The following SH3GL2 variants were observed in gnomAD, a reference collection of about 807,000 sequenced individuals.
The protein encoded by SH3GL2 is SH3 domain containing GRB2 like 2, endophilin A1.
SH3GL2 carries 24 observed loss-of-function variants against 46.0 expected under a neutral mutation model. The ratio of observed to expected loss-of-function variants is 0.52; its 90% CI spans 0.38 to 0.73. SH3GL2 has a LOEUF of 0.73. SH3GL2 is among the 30% of genes least tolerant of loss of function. The pLI, the probability that SH3GL2 is intolerant of heterozygous loss-of-function variation, is 0.00. For missense variants in SH3GL2, 413 were observed against 424.2 expected, an observed-to-expected ratio of 0.97 and a Z score of 0.23; for synonymous variants, 196 against 147.1, an observed-to-expected ratio of 1.33 and a Z score of -2.40.
At chr9:17,657,181 T>A (rs1424380589) in intron 1 of SH3GL2, among the ~76,000 whole-genome samples, 1 of 152,196 alleles carries the variant, frequency 6.6e-6, no homozygotes, top group East Asian at 1.9e-4. Flanking sequence ...TGCTAGTTAG[T>A]TGCCAGGCAC....
At chr9:17,748,054 G>C (rs1260239825) in intron 2 of SH3GL2, among the ~76,000 whole-genome samples, 2 of 152,124 alleles carry the variant, frequency 1.3e-5, no homozygotes. Context: ...AAATAATGTA[G>C]ATTATTTAGC....
intron 3 of SH3GL2, among the ~76,000 whole-genome samples, chr9:17,765,556 G>A (rs551852325): frequency 2.6e-5 from 4 of 152,238 alleles, no homozygotes; most frequent in East Asian, 3.9e-4. Context: ...CCCTTCCATG[G>A]CTTTTCATGC....
Position 17,795,743 on chromosome 9 carries a change from G to A in SH3GL2, c.1059G>A (p.Ter353=), listed in dbSNP as rs1213600089. The A allele has an allele frequency of 2.5e-6, 4 of 1,612,534 alleles. No individual in the cohort carries two copies. The highest frequency in any genetic ancestry group is 3.4e-6 in the Non-Finnish European group (4 of 1,179,022). Reference sequence around the variant, plus strand: ...AAATTCTGGTTGCCCTGCCCCATTAGGATGTTATGCTGGCTGGCTCGCCTC... The same window carrying A: ...AAATTCTGGTTGCCCTGCCCCATTAAGATGTTATGCTGGCTGGCTCGCCTC... ...YVEILVALPH[*] The change falls in exon 9 of 9, where the codon TAG becomes TAA. Residue 353 remains the stop codon, a stop_retained_variant. Coordinates refer to ENST00000380607, the MANE Select transcript of SH3GL2 (RefSeq NM_003026.5).
At chr9:17,768,533 C>T (rs1257161838) in intron 3 of SH3GL2, among the ~76,000 whole-genome samples, 1 of 152,056 alleles carries the variant, frequency 6.6e-6, no homozygotes, top group Non-Finnish European at 1.5e-5. Flanking sequence ...CTCAGCATGG[C>T]CTTTAAGATC....
intron 8 of SH3GL2, 122 bp from the exon 9 acceptor site, chr9:17,795,422 A>G: frequency 1.5e-6 from 1 of 688,894 alleles, no homozygotes; most frequent in Non-Finnish European, 2.5e-6. Context: ...CAACAGGAAG[A>G]GGAATGAGGG....
chr9:17,785,046 C>A (rs1323044599), intron 3 of SH3GL2, among the ~76,000 whole-genome samples: 1 of 152,186 alleles, frequency 6.6e-6, no homozygotes. Flanking sequence ...AACATATGAT[C>A]CCTTTTATAT....
intron 1 of SH3GL2, among the ~76,000 whole-genome samples, chr9:17,623,267 AG>A (rs1264399667): frequency 2.0e-5 from 3 of 152,000 alleles, no homozygotes; most frequent in African/African-American, 4.8e-5. Context: ...GAATGTTGCC[AG>A]GTGTAGAAGA....
chr9:17,677,366 G>T (rs545031636), intron 1 of SH3GL2, among the ~76,000 whole-genome samples: 1 of 152,184 alleles, frequency 6.6e-6, no homozygotes, highest in South Asian at 2.1e-4. Flanking sequence ...ACATTGTGAA[G>T]GGATGGCTCA....
intron 1 of SH3GL2, among the ~76,000 whole-genome samples, chr9:17,725,450 C>T (rs1481045151): frequency 6.6e-6 from 1 of 152,146 alleles, no homozygotes; most frequent in Non-Finnish European, 1.5e-5. Context: ...CCAAAATCTC[C>T]ATTGTTTTTG....
chr9:17,635,468 A>T (rs1326147077), intron 1 of SH3GL2, among the ~76,000 whole-genome samples: 1 of 152,186 alleles, frequency 6.6e-6, no homozygotes, highest in Non-Finnish European at 1.5e-5. Flanking sequence ...AGGAAGTGAA[A>T]AAGAAAGGTG....
chr9:17,670,322 C>T lies in SH3GL2; in HGVS notation c.46-76744C>T, dbSNP rs181907194. 1.6e-4 allele frequency among the ~76,000 whole-genome samples: 25 copies of T among 152,266 alleles called. 1 individual carries two copies. The East Asian group carries it at 4.6e-3, about 28-fold the overall frequency. ...CTCTTTGTTAGAAAATAAGTAATTT[C>T]TTGGGCTGCTTTTTGTTAGAAGGGA... is the stretch of plus-strand genomic sequence containing the variant. On this transcript the variant is annotated intron_variant, in intron 1 of 8. Coordinates refer to ENST00000380607, the MANE Select transcript of SH3GL2 (RefSeq NM_003026.5).
At chr9:17,789,269 CGTT>C in intron 5 of SH3GL2, 120 bp from the exon 6 acceptor site, 2 of 703,692 alleles carry the variant, frequency 2.8e-6, no homozygotes, top group Non-Finnish European at 4.9e-6. Context: ...TCTCTGGTGG[CGTT>C]GTATTTTAAA....
At chr9:17,626,311 G>A (rs1268806202) in intron 1 of SH3GL2, among the ~76,000 whole-genome samples, 1 of 152,214 alleles carries the variant, frequency 6.6e-6, no homozygotes, top group African/African-American at 2.4e-5. Context: ...GCAGGAGCAT[G>A]TTGCGGGGGA....
At chr9:17,680,870 C>G (rs1442008301) in intron 1 of SH3GL2, among the ~76,000 whole-genome samples, 1 of 151,990 alleles carries the variant, frequency 6.6e-6, no homozygotes, top group Non-Finnish European at 1.5e-5. Flanking sequence ...TTTATTTCTG[C>G]CTTCATTTCG....
rs12378332 is a variant in SH3GL2 at position 17,796,379 on chromosome 9, G to C, written c.*636G>C. 0.16 allele frequency: 24,903 copies of C among 152,524 alleles called. 2,539 individuals are homozygous for C. The highest frequency in any genetic ancestry group is 0.28 in the Middle Eastern group (81 of 294). The allele number at this position is 152,524 out of a possible 1,614,324, so 9.4% of individuals were successfully genotyped here. On this transcript the variant is annotated 3_prime_UTR_variant, in exon 9 of 9. Transcript: ENST00000380607. ...TCTTCCCTCCTTGCTATTAAAGCCAGAGCGGTAATTCCAAATTATTTTTCA... is the reference window on the plus strand; with the variant it reads ...TCTTCCCTCCTTGCTATTAAAGCCACAGCGGTAATTCCAAATTATTTTTCA...
At chr9:17,723,401 G>T (rs947389959) in intron 1 of SH3GL2, among the ~76,000 whole-genome samples, 1 of 152,060 alleles carries the variant, frequency 6.6e-6, no homozygotes, top group African/African-American at 2.4e-5. Context: ...TTTATGAGCT[G>T]TTATTAATAA....
At chr9:17,782,381 T>G (rs559792226) in intron 3 of SH3GL2, among the ~76,000 whole-genome samples, 2 of 152,144 alleles carry the variant, frequency 1.3e-5, no homozygotes, top group African/African-American at 4.8e-5. Context: ...CATGGCATAA[T>G]TTAAGAAGGA....
At chr9:17,779,693 A>G (rs1048216644) in intron 3 of SH3GL2, among the ~76,000 whole-genome samples, 2 of 152,116 alleles carry the variant, frequency 1.3e-5, no homozygotes, top group Admixed American at 6.6e-5. Context: ...TTTGGGGGCA[A>G]TTATCTTCTG....
At chr9:17,652,576 T>C (rs1819981847) in intron 1 of SH3GL2, among the ~76,000 whole-genome samples, 1 of 152,096 alleles carries the variant, frequency 6.6e-6, no homozygotes, top group Non-Finnish European at 1.5e-5. Flanking sequence ...CTCTGCCATT[T>C]CTGAGATGGG....
Sources: gnomAD v4.1 joint callset for allele counts (sites outside exome capture counted in the v4.1 genomes callset) on GRCh38, gnomAD v4.1.1 for gene constraint, MANE v1.5 for transcripts, NCBI Gene and HGNC (gene_info 2026-07-23, HGNC 2026-07-21) for gene names.